XRN2: variants seen among roughly 807,000 people sequenced by gnomAD.
The protein encoded by XRN2 is 5'-3' exoribonuclease 2.
XRN2 carries 44 observed loss-of-function variants against 138.5 expected under a neutral mutation model. The observed-to-expected ratio is 0.32, with a 90% CI of 0.25 to 0.41. The LOEUF is 0.41. Ranked by LOEUF, XRN2 falls within the 10% of genes least tolerant of loss-of-function variation. XRN2 has a pLI of 1.00. For missense variants in XRN2, 937 were observed against 1,169.3 expected (o/e 0.80, Z 2.90); for synonymous variants, 354 against 369.4 (o/e 0.96, Z 0.48).
At chr20:21,303,505 A>G in intron 1 of XRN2, 32 bp downstream of exon 1, 1 of 1,534,146 alleles carries the variant, frequency 6.5e-7, no homozygotes, top group Non-Finnish European at 8.8e-7. Flanking sequence ...GCCACACTCG[A>G]GCCCGGGCCC....
At chr20:21,327,180 T>C (rs376535316) in intron 3 of XRN2, among the ~76,000 whole-genome samples, 9 of 152,262 alleles carry the variant, frequency 5.9e-5, no homozygotes, top group East Asian at 5.8e-4. Context: ...AAGGGAAGTA[T>C]AGCAAAAGCT....
At chr20:21,363,043 C>G (rs527855652) in intron 24 of XRN2, among the ~76,000 whole-genome samples, 3 of 152,286 alleles carry the variant, frequency 2.0e-5, no homozygotes, top group Non-Finnish European at 4.4e-5. Context: ...CCTGTCTCAT[C>G]TTAAACCGCA....
intron 1 of XRN2, among the ~76,000 whole-genome samples, chr20:21,321,055 G>A (rs895036935): frequency 6.6e-6 from 1 of 151,308 alleles, no homozygotes; most frequent in African/African-American, 2.4e-5. Context: ...TCACTCTGTT[G>A]CCCAGGCTGG....
chr20:21,376,500 T>G (rs1305705360), intron 27 of XRN2, among the ~76,000 whole-genome samples: 1 of 152,230 alleles, frequency 6.6e-6, no homozygotes, highest in Non-Finnish European at 1.5e-5. Flanking sequence ...CCCTTGCTGA[T>G]TTAATTTGGG....
At chr20:21,319,472 A>G (rs1380162657) in intron 1 of XRN2, among the ~76,000 whole-genome samples, 1 of 151,952 alleles carries the variant, frequency 6.6e-6, no homozygotes, top group Admixed American at 6.6e-5. Context: ...TTCTTTTGCA[A>G]TGAGAGGATA....
At chr20:21,379,903 T>TC (rs951178576) in intron 27 of XRN2, among the ~76,000 whole-genome samples, 1 of 152,204 alleles carries the variant, frequency 6.6e-6, no homozygotes, top group African/African-American at 2.4e-5. Context: ...CAAGTTTTTT[T>TC]CCCATCTTTA....
At chr20:21,350,389 G>A (rs549574619) in intron 20 of XRN2, among the ~76,000 whole-genome samples, 1 of 151,868 alleles carries the variant, frequency 6.6e-6, no homozygotes, top group East Asian at 1.9e-4. Context: ...AGCCTGGTGT[G>A]GTGGCGGGCG....
At chr20:21,388,510 T>A (rs185784075) in intron 29 of XRN2, among the ~76,000 whole-genome samples, 1 of 152,302 alleles carries the variant, frequency 6.6e-6, no homozygotes, top group African/African-American at 2.4e-5. Flanking sequence ...CTTCATTGTA[T>A]TTTTAGTAAA....
At chr20:21,315,955 A>G (rs936951398) in intron 1 of XRN2, among the ~76,000 whole-genome samples, 7 of 152,228 alleles carry the variant, frequency 4.6e-5, no homozygotes, top group Admixed American at 1.3e-4. Context: ...TTTGAAGAAT[A>G]AAAGTTTAAA....
At chr20:21,324,730 C>T (rs988522619) in intron 1 of XRN2, among the ~76,000 whole-genome samples, 1 of 152,176 alleles carries the variant, frequency 6.6e-6, no homozygotes, top group Non-Finnish European at 1.5e-5. Flanking sequence ...AACTCCTGGC[C>T]TCAAGCAATC....
chr20:21,328,760 G>T, intron 4 of XRN2, 90 bp downstream of exon 4: 1 of 1,143,366 alleles, frequency 8.7e-7, no homozygotes, highest in Non-Finnish European at 1.3e-6. Flanking sequence ...AAAGAGGCAA[G>T]CTTTTAATTT....
intron 29 of XRN2, among the ~76,000 whole-genome samples, chr20:21,387,245 A>T (rs2038946280): frequency 6.6e-6 from 1 of 152,206 alleles, no homozygotes; most frequent in African/African-American, 2.4e-5. Context: ...TTTAAATCAT[A>T]GCAGTCAGTG....
At chr20:21,357,533 T>C (rs2038590698) in intron 23 of XRN2, among the ~76,000 whole-genome samples, 1 of 152,190 alleles carries the variant, frequency 6.6e-6, no homozygotes, top group Non-Finnish European at 1.5e-5. Flanking sequence ...TGAGATTGAA[T>C]GCCTTATGGT....
intron 20 of XRN2, among the ~76,000 whole-genome samples, chr20:21,349,892 T>G (rs927410029): frequency 1.3e-5 from 2 of 152,244 alleles, no homozygotes; most frequent in Non-Finnish European, 2.9e-5. Flanking sequence ...TAAATTGGGT[T>G]GAAATAGGTT....
Position 21,383,739 on chromosome 20 carries a change from G to C in XRN2, c.2648+1682G>C, listed in dbSNP as rs559187265. Among the ~76,000 whole-genome samples the C allele has an allele frequency of 1.3e-4, 20 of 152,254 alleles. 1 individual carries two copies. Among genetic ancestry groups the C allele is most frequent in the African/African-American group, 3.9e-4 (16 of 41,548 alleles). Reference sequence around the variant, plus strand: ...TCATTGTCCCTTCCCTTACCCTGCTGTCCATCAGGTTTTGTTCTTATTCTA... The same window carrying C: ...TCATTGTCCCTTCCCTTACCCTGCTCTCCATCAGGTTTTGTTCTTATTCTA... On this transcript the variant is annotated intron_variant, in intron 28 of 29. Coordinates refer to ENST00000377191, the MANE Select transcript of XRN2 (RefSeq NM_012255.5).
chr20:21,371,413 T>A (rs997478132), intron 27 of XRN2, among the ~76,000 whole-genome samples: 1 of 152,208 alleles, frequency 6.6e-6, no homozygotes, highest in African/African-American at 2.4e-5. Flanking sequence ...TATGGACTTG[T>A]GTTCAGTGAA....
At chr20:21,316,305 C>T (rs2037958269) in intron 1 of XRN2, among the ~76,000 whole-genome samples, 1 of 152,194 alleles carries the variant, frequency 6.6e-6, no homozygotes. Context: ...AAGTGCAGTT[C>T]ATCTGCTTTT....
At chr20:21,387,033 A>G in intron 29 of XRN2, 27 bp downstream of exon 29, 2 of 1,587,746 alleles carry the variant, frequency 1.3e-6, no homozygotes, top group Non-Finnish European at 1.7e-6. Context: ...TGAAAAGTAT[A>G]CTGCTCACTT....
At chr20:21,346,867 T>G (rs6047389) in intron 17 of XRN2, among the ~76,000 whole-genome samples, 103,015 of 151,874 alleles carry the variant, frequency 0.68, 35,673 homozygotes, top group South Asian at 0.83. Context: ...TCCGCCTGCC[T>G]CAGCCTCCTA....
Sources: gnomAD v4.1 joint callset for allele counts (sites outside exome capture counted in the v4.1 genomes callset) on GRCh38, gnomAD v4.1.1 for gene constraint, MANE v1.5 for transcripts, NCBI Gene and HGNC (gene_info 2026-07-23, HGNC 2026-07-21) for gene names.